The following SDK1 variants were observed in gnomAD, a reference collection of about 807,000 sequenced individuals.
The protein encoded by SDK1 is sidekick cell adhesion molecule 1, also known as protein sidekick-1.
SDK1 carries 157 observed loss-of-function variants against 245.5 expected under a neutral mutation model. The ratio of observed to expected loss-of-function variants is 0.64; its 90% CI spans 0.56 to 0.73. The LOEUF (loss-of-function observed/expected upper bound fraction) is 0.73, where lower values mean the gene tolerates loss of function less well. SDK1 is among the 30% of genes least tolerant of loss of function. SDK1 has a pLI of 0.00. For synonymous variants in SDK1, 1,647 were observed against 1,278.5 expected (o/e 1.29, Z -6.15); for missense variants, 3,583 against 3,002.3 (o/e 1.19, Z -4.52).
chr7:3,612,406 T>C (rs1177571353), intron 1 of SDK1, among the ~76,000 whole-genome samples: 1 of 152,180 alleles, frequency 6.6e-6, no homozygotes, highest in African/African-American at 2.4e-5. Context: ...AAGATTGATA[T>C]TACTATTATG....
chr7:3,412,373 C>T lies in SDK1; in HGVS notation c.298+110489C>T, dbSNP rs117217710. ...ACTGTATATATTCTTCTGCACCTTG[C>T]CTTTTTTCTCACTCAACATGTTTCT... On this transcript the variant is annotated intron_variant, in intron 1 of 44. Transcript: ENST00000404826. Among the ~76,000 whole-genome samples the T allele has an allele frequency of 4.4e-4, 67 of 152,278 alleles. No homozygotes were observed. The East Asian group carries it at 0.012, about 28-fold the overall frequency.
chr7:3,586,762 G>A (rs1780703625), intron 1 of SDK1, among the ~76,000 whole-genome samples: 1 of 151,902 alleles, frequency 6.6e-6, no homozygotes, highest in African/African-American at 2.4e-5. Flanking sequence ...AGTGTCTAAG[G>A]ACAGAGTAGC....
intron 1 of SDK1, among the ~76,000 whole-genome samples, chr7:3,368,533 C>T (rs181206477): frequency 2.1e-3 from 313 of 152,170 alleles, no homozygotes; most frequent in Non-Finnish European, 3.6e-3. Context: ...AAAATCGGCA[C>T]GGAAGGGTTT....
chr7:4,220,257 C>T lies in SDK1; in HGVS notation c.5688C>T (p.Ala1896=), dbSNP rs200801717. 1.8e-4 allele frequency: 287 copies of T among 1,613,482 alleles called. 4 individuals are homozygous for T. The South Asian group carries it at 2.5e-3, about 14-fold the overall frequency. The change falls in exon 39 of 45, where the codon GCC becomes GCT. Residue 1896 remains alanine (A), a synonymous_variant. Transcript: ENST00000404826. Reference sequence around the variant, plus strand: ...CCGAGCTCCAAGCCAATATCACAGCCGGGCCAGCCGAGGGTAAGTGGAACT... The same window carrying T: ...CCGAGCTCCAAGCCAATATCACAGCTGGGCCAGCCGAGGGTAAGTGGAACT... ...YGPELQANIT[A]GPAEGSPGSP...
At chr7:4,145,567 C>T (rs537812076) in intron 28 of SDK1, among the ~76,000 whole-genome samples, 155 bp from the exon 29 acceptor site, 1 of 152,264 alleles carries the variant, frequency 6.6e-6, no homozygotes, top group African/African-American at 2.4e-5. Flanking sequence ...TTCATCACAG[C>T]CATGAGACCA....
chr7:3,781,099 A>T (rs1184941710), intron 4 of SDK1, among the ~76,000 whole-genome samples: 1 of 152,036 alleles, frequency 6.6e-6, no homozygotes, highest in Non-Finnish European at 1.5e-5. Context: ...ACAGGGAGGA[A>T]ATCCTGAATC....
intron 1 of SDK1, among the ~76,000 whole-genome samples, chr7:3,400,430 T>G (rs1204568281): frequency 2.0e-4 from 30 of 152,150 alleles, no homozygotes; most frequent in Non-Finnish European, 4.4e-5. Flanking sequence ...CAACTTCGAA[T>G]GGATGAATTT....
intron 1 of SDK1, among the ~76,000 whole-genome samples, chr7:3,537,575 A>G (rs759085302): frequency 1.1e-4 from 17 of 152,192 alleles, no homozygotes; most frequent in Non-Finnish European, 2.2e-4. Context: ...AAGAATAACA[A>G]ACTGCAAGCT....
At chr7:3,808,401 C>A (rs7806241) in intron 4 of SDK1, among the ~76,000 whole-genome samples, 1 of 152,074 alleles carries the variant, frequency 6.6e-6, no homozygotes, top group African/African-American at 2.4e-5. Flanking sequence ...ACAGAAAAAT[C>A]TCAGAATGCT....
At chr7:4,000,892 C>T (rs565466434) in intron 14 of SDK1, among the ~76,000 whole-genome samples, 57 of 152,218 alleles carry the variant, frequency 3.7e-4, no homozygotes, top group Middle Eastern at 3.4e-3. Flanking sequence ...TCTAGGGAGA[C>T]AGTACCTGTC....
At chr7:4,148,645 C>G (rs935709549) in intron 29 of SDK1, among the ~76,000 whole-genome samples, 3 of 152,224 alleles carry the variant, frequency 2.0e-5, no homozygotes, top group African/African-American at 7.2e-5. Flanking sequence ...CCCCAAGACC[C>G]TGCGACCCCA....
chr7:3,856,740 G>A (rs545020035), intron 5 of SDK1, among the ~76,000 whole-genome samples: 30 of 151,512 alleles, frequency 2.0e-4, no homozygotes, highest in Middle Eastern at 3.2e-3. Flanking sequence ...GCAGTGAGCC[G>A]AGATCACACC....
chr7:3,925,484 T>A (rs1779735385), intron 5 of SDK1, among the ~76,000 whole-genome samples: 1 of 152,128 alleles, frequency 6.6e-6, no homozygotes, highest in Non-Finnish European at 1.5e-5. Flanking sequence ...CCTCTATGAA[T>A]CTCTCGTCGC....
At chr7:3,857,709 C>T (rs1410134837) in intron 5 of SDK1, among the ~76,000 whole-genome samples, 1 of 150,602 alleles carries the variant, frequency 6.6e-6, no homozygotes, top group Non-Finnish European at 1.5e-5. Context: ...TGAAAGAAAA[C>T]CTAAGATAAT....
chr7:3,543,238 T>C (rs1779107279), intron 1 of SDK1, among the ~76,000 whole-genome samples: 1 of 152,368 alleles, frequency 6.6e-6, no homozygotes, highest in South Asian at 2.1e-4. Flanking sequence ...GCCATTGAAA[T>C]GGCATTAGTG....
chr7:3,776,107 C>T (rs1030982793), intron 4 of SDK1, among the ~76,000 whole-genome samples: 2 of 152,222 alleles, frequency 1.3e-5, no homozygotes, highest in African/African-American at 4.8e-5. Context: ...AATATGATAG[C>T]AACTCATGTA....
At chr7:3,554,728 A>G (rs1015454950) in intron 1 of SDK1, among the ~76,000 whole-genome samples, 3 of 152,220 alleles carry the variant, frequency 2.0e-5, no homozygotes, top group African/African-American at 4.8e-5. Context: ...CTGATAAACA[A>G]ATTCATTATA....
chr7:4,174,155 G>C, intron 32 of SDK1, 67 bp from the exon 33 acceptor site: 1 of 1,568,402 alleles, frequency 6.4e-7, no homozygotes, highest in Non-Finnish European at 8.7e-7. Flanking sequence ...GGGTGGAGGT[G>C]AGCCCTGCTG....
intron 13 of SDK1, among the ~76,000 whole-genome samples, chr7:3,978,308 G>A (rs1344929110): frequency 6.6e-6 from 1 of 152,010 alleles, no homozygotes; most frequent in African/African-American, 2.4e-5. Flanking sequence ...CAGTTTTATG[G>A]TCTACTGATT....
Sources: allele counts gnomAD v4.1 joint callset (sites outside exome capture counted in the v4.1 genomes callset), GRCh38; gene constraint gnomAD v4.1.1; transcripts MANE v1.5; gene names NCBI Gene and HGNC (gene_info 2026-07-23, HGNC 2026-07-21).